Variants in PIP4K2A observed in about 807,000 individuals in gnomAD.
PIP4K2A encodes the protein phosphatidylinositol 5-phosphate 4-kinase type-2 alpha.
A neutral mutation model predicts 42.9 loss-of-function variants in PIP4K2A; 14 were observed. That is an observed-to-expected ratio of 0.33 (90% CI 0.22 to 0.51). The LOEUF is 0.51. Among genes scored for constraint, PIP4K2A ranks in the 20% least tolerant of loss-of-function variants. The pLI is 0.97. For synonymous variants in PIP4K2A, 192 were observed against 192.2 expected (o/e 1.00, Z 0.01); for missense variants, 434 against 519.8 (o/e 0.83, Z 1.61).
At chr10:22,694,640 A>C (rs1388937591) in intron 1 of PIP4K2A, 1 of 152,186 alleles carries the variant, frequency 6.6e-6, no homozygotes, top group Non-Finnish European at 1.5e-5. Flanking sequence ...CAATGACCTT[A>C]CTTAATCAGT....
At chr10:22,674,650 A>G (rs1839519616) in intron 1 of PIP4K2A, among the ~76,000 whole-genome samples, 1 of 152,100 alleles carries the variant, frequency 6.6e-6, no homozygotes, top group African/African-American at 2.4e-5. Flanking sequence ...TGTTTTACTA[A>G]GAAATTTCCA....
At chr10:22,601,693 C>G (rs1837784197) in intron 3 of PIP4K2A, among the ~76,000 whole-genome samples, 1 of 152,188 alleles carries the variant, frequency 6.6e-6, no homozygotes, top group African/African-American at 2.4e-5. Flanking sequence ...ACGACTGTGC[C>G]AATCCTCACC....
At chr10:22,700,476 T>C (rs1833692803) in intron 1 of PIP4K2A, among the ~76,000 whole-genome samples, 1 of 152,110 alleles carries the variant, frequency 6.6e-6, no homozygotes, top group Admixed American at 6.5e-5. Flanking sequence ...ACATGAGAAA[T>C]TTTGGATGCA....
intron 4 of PIP4K2A, among the ~76,000 whole-genome samples, chr10:22,577,125 A>G (rs1168631525): frequency 6.6e-6 from 1 of 151,552 alleles, no homozygotes; most frequent in East Asian, 1.9e-4. Flanking sequence ...CTTAAAAAAT[A>G]CGTATTGAGC....
In PIP4K2A at chr10:22,606,144, C is replaced by CAAAA. The variant is rs368075253; in HGVS notation, c.339+1782_339+1783insTTTT. Among the ~76,000 whole-genome samples, 64 of 130,588 alleles carry CAAAA rather than the reference C, an allele frequency of 4.9e-4. 4 individuals carry two copies. Among genetic ancestry groups the CAAAA allele is most frequent in the Non-Finnish European group, 4.0e-4 (24 of 59,946 alleles). The allele number at this position is 130,588 out of a possible 152,430, so 85.7% of individuals were successfully genotyped here. On this transcript the variant is annotated intron_variant, in intron 3 of 9. Coordinates refer to ENST00000376573, the MANE Select transcript of PIP4K2A (RefSeq NM_005028.5). ...TAACATAGTGAGACCCCAATCTCTACCAAAAAAAAAAAAAAAATTAGCTGG... is the reference window on the plus strand; with the variant it reads ...TAACATAGTGAGACCCCAATCTCTACAAAACAAAAAAAAAAAAAAAATTAGCTGG...
intron 1 of PIP4K2A, among the ~76,000 whole-genome samples, chr10:22,630,967 C>A (rs1778324): frequency 0.083 from 12,697 of 152,068 alleles, 939 homozygotes; most frequent in African/African-American, 0.2. Context: ...AGGAACATGG[C>A]AACAGGGACA....
chr10:22,617,658 T>A (rs1838203852), intron 1 of PIP4K2A, among the ~76,000 whole-genome samples: 1 of 152,152 alleles, frequency 6.6e-6, no homozygotes, highest in African/African-American at 2.4e-5. Context: ...CATATTGAGA[T>A]GAAACAGGAA....
At chr10:22,588,190 A>G (rs1303523472) in intron 4 of PIP4K2A, among the ~76,000 whole-genome samples, 1 of 152,218 alleles carries the variant, frequency 6.6e-6, no homozygotes, top group Non-Finnish European at 1.5e-5. Flanking sequence ...TTTCGTTTAA[A>G]TGTAATTTAA....
chr10:22,664,100 TATAC>T (rs1167946148), intron 1 of PIP4K2A, among the ~76,000 whole-genome samples: 9 of 81,086 alleles, frequency 1.1e-4, no homozygotes, highest in African/African-American at 6.4e-4. Context: ...CATATATATA[TATAC>T]ATATATATAT....
chr10:22,586,420 A>G (rs1274189556), intron 4 of PIP4K2A, among the ~76,000 whole-genome samples: 2 of 152,232 alleles, frequency 1.3e-5, no homozygotes, highest in Non-Finnish European at 2.9e-5. Context: ...TAGTGGATTA[A>G]AAGAGTTAAG....
At chr10:22,698,792 T>C (rs1833648956) in intron 1 of PIP4K2A, among the ~76,000 whole-genome samples, 1 of 152,248 alleles carries the variant, frequency 6.6e-6, no homozygotes, top group South Asian at 2.1e-4. Flanking sequence ...TAACACTGGT[T>C]GCTTGATAGA....
chr10:22,608,047 A>G (rs373780272), intron 2 of PIP4K2A, 24 bp from the exon 3 acceptor site: 25 of 1,488,540 alleles, frequency 1.7e-5, no homozygotes, highest in Non-Finnish European at 2.2e-5. Context: ...AGCGTGGAAT[A>G]AAGCTCAGAG....
chr10:22,632,497 G>A (rs921413630), intron 1 of PIP4K2A, among the ~76,000 whole-genome samples: 2 of 152,182 alleles, frequency 1.3e-5, no homozygotes, highest in Non-Finnish European at 2.9e-5. Flanking sequence ...ACAAGTTGGT[G>A]TTAGCTGGAT....
chr10:22,650,453 C>A (rs1344673066), intron 1 of PIP4K2A, among the ~76,000 whole-genome samples: 1 of 152,082 alleles, frequency 6.6e-6, no homozygotes, highest in Non-Finnish European at 1.5e-5. Context: ...TGCCATGTTG[C>A]CCAGGCTGCC....
At chr10:22,582,891 T>TAAAAAAA (rs57477195) in intron 4 of PIP4K2A, among the ~76,000 whole-genome samples, 2 of 118,656 alleles carry the variant, frequency 1.7e-5, no homozygotes, top group African/African-American at 3.1e-5. Flanking sequence ...CGTCTTGAAG[T>TAAAAAAA]AAAAAAAAAA....
In PIP4K2A at chr10:22,688,619, A is replaced by AT. The variant is rs1345330844; in HGVS notation, c.144+25563dup. 2.6e-5 allele frequency among the ~76,000 whole-genome samples: 4 copies of AT among 152,008 alleles called. No homozygotes were observed. The East Asian group carries it at 7.7e-4, about 29-fold the overall frequency. On this transcript the variant is annotated intron_variant, in intron 1 of 9. Transcript: ENST00000376573. ...AGGCACTCACCACCATGCCTGGTTA[A>AT]TTTTTTTATTTTTCATAGAGATGGG...
intron 1 of PIP4K2A, among the ~76,000 whole-genome samples, chr10:22,699,480 A>G (rs1361053798): frequency 9.2e-5 from 14 of 151,934 alleles, no homozygotes; most frequent in Non-Finnish European, 2.1e-4. Context: ...AACTGAACAC[A>G]CTAGATACCT....
intron 4 of PIP4K2A, among the ~76,000 whole-genome samples, chr10:22,581,565 TAAA>T (rs531477426): frequency 1.9e-3 from 146 of 78,664 alleles, no homozygotes; most frequent in Middle Eastern, 8.5e-3. Flanking sequence ...ATCCTATCTC[TAAA>T]AAAAAAAAAA....
chr10:22,661,335 G>A (rs1024280372), intron 1 of PIP4K2A, among the ~76,000 whole-genome samples: 2 of 148,428 alleles, frequency 1.3e-5, no homozygotes, highest in African/African-American at 5.0e-5. Flanking sequence ...ACCTATCTGT[G>A]AGGATGATGC....
Sources: gnomAD v4.1 joint callset for allele counts (sites outside exome capture counted in the v4.1 genomes callset) on GRCh38, gnomAD v4.1.1 for gene constraint, MANE v1.5 for transcripts, NCBI Gene and HGNC (gene_info 2026-07-23, HGNC 2026-07-21) for gene names.